The following DISC1 variants were observed in gnomAD, a reference collection of about 807,000 sequenced individuals.
DISC1 encodes DISC1 scaffold protein, also known as disrupted in schizophrenia 1 protein.
Under a neutral mutation model 84.5 loss-of-function variants are expected in DISC1, and 57 were observed. That is an observed-to-expected ratio of 0.67 (90% CI 0.55 to 0.84). The LOEUF is 0.84. DISC1 is among the 40% of genes least tolerant of loss of function. The pLI, the probability that DISC1 is intolerant of heterozygous loss-of-function variation, is 0.00. For missense variants in DISC1, 1,000 were observed against 1,057.8 expected, an observed-to-expected ratio of 0.95 and a Z score of 0.76; for synonymous variants, 411 against 415.2, an observed-to-expected ratio of 0.99 and a Z score of 0.12.
chr1:231,749,613 CATT>C (rs1173057417), intron 3 of DISC1, among the ~76,000 whole-genome samples: 1 of 152,126 alleles, frequency 6.6e-6, no homozygotes, highest in Admixed American at 6.5e-5. Context: ...CCAAAATGCT[CATT>C]GTGCTTTTAA....
At chr1:231,902,261 C>G (rs1315187463) in intron 9 of DISC1, among the ~76,000 whole-genome samples, 1 of 151,994 alleles carries the variant, frequency 6.6e-6, no homozygotes, top group Non-Finnish European at 1.5e-5. Context: ...TTCACTTATT[C>G]ATATGACAAT....
intron 9 of DISC1, among the ~76,000 whole-genome samples, chr1:231,870,733 A>G (rs1379718765): frequency 6.6e-6 from 1 of 152,228 alleles, no homozygotes; most frequent in African/African-American, 2.4e-5. Flanking sequence ...CCAGCCTATT[A>G]ACCTATTACA....
chr1:231,637,643 G>A, intron 1 of DISC1, among the ~76,000 whole-genome samples: 1 of 151,546 alleles, frequency 6.6e-6, no homozygotes, highest in Non-Finnish European at 1.5e-5. Flanking sequence ...ACGGTTTCCA[G>A]TTCCATCGAT....
chr1:231,638,109 A>C (rs918045469), intron 1 of DISC1, among the ~76,000 whole-genome samples: 4 of 152,144 alleles, frequency 2.6e-5, no homozygotes. Context: ...AGTAATGTTG[A>C]ACATGTTTTC....
At chr1:231,734,738 G>T (rs908056928) in intron 3 of DISC1, among the ~76,000 whole-genome samples, 13 of 152,224 alleles carry the variant, frequency 8.5e-5, no homozygotes, top group African/African-American at 3.1e-4. Context: ...GCTAAGTGCT[G>T]AGTGGGCAGA....
At chr1:231,796,492 G>A (rs1426419534) in intron 7 of DISC1, among the ~76,000 whole-genome samples, 2 of 152,074 alleles carry the variant, frequency 1.3e-5, no homozygotes, top group Admixed American at 1.3e-4. Flanking sequence ...GATCACCGCA[G>A]CTAAGCCAGA....
chr1:231,927,720 C>T (rs1048781696), intron 9 of DISC1, among the ~76,000 whole-genome samples: 9 of 152,128 alleles, frequency 5.9e-5, no homozygotes, highest in Non-Finnish European at 8.8e-5. Context: ...TGATAAAATG[C>T]GACGAGAGCT....
At chr1:231,835,308 G>A (rs2082548423) in intron 9 of DISC1, among the ~76,000 whole-genome samples, 1 of 152,172 alleles carries the variant, frequency 6.6e-6, no homozygotes, top group African/African-American at 2.4e-5. Context: ...TTTCACCTGG[G>A]TGCAAGCGGG....
chr1:231,941,657 G>C (rs987255250), intron 9 of DISC1, among the ~76,000 whole-genome samples: 3 of 152,102 alleles, frequency 2.0e-5, no homozygotes, highest in Non-Finnish European at 2.9e-5. Context: ...ATTTTTAGTA[G>C]AGATGGGGTT....
At chr1:231,697,229 G>T (rs2065826758) in intron 2 of DISC1, among the ~76,000 whole-genome samples, 1 of 152,132 alleles carries the variant, frequency 6.6e-6, no homozygotes, top group Non-Finnish European at 1.5e-5. Flanking sequence ...TCTAGTGTTT[G>T]GGGGCCTTAT....
chr1:231,806,662 C>CTCT (rs2079741873), intron 8 of DISC1, among the ~76,000 whole-genome samples: 1 of 152,158 alleles, frequency 6.6e-6, no homozygotes. Flanking sequence ...GGGTGAAAGG[C>CTCT]CTCTTCTCCC....
chr1:231,776,017 A>T (rs569285984), intron 6 of DISC1, among the ~76,000 whole-genome samples: 1 of 152,274 alleles, frequency 6.6e-6, no homozygotes, highest in East Asian at 1.9e-4. Flanking sequence ...CCATGTGGGC[A>T]TGAGGTTCCA....
intron 7 of DISC1, among the ~76,000 whole-genome samples, chr1:231,798,577 A>G (rs2078951999): frequency 6.6e-6 from 1 of 152,202 alleles, no homozygotes; most frequent in African/African-American, 2.4e-5. Context: ...TTAAATAGAT[A>G]GGATGGGATG....
intron 9 of DISC1, chr1:231,866,381 A>C (rs1304578228): frequency 6.5e-6 from 4 of 620,132 alleles, no homozygotes; most frequent in Non-Finnish European, 1.2e-5. Context: ...ATTATCTCTG[A>C]AGTCACTTCA....
intron 9 of DISC1, among the ~76,000 whole-genome samples, chr1:231,892,380 G>A (rs768317162): frequency 1.3e-5 from 2 of 152,146 alleles, no homozygotes; most frequent in Non-Finnish European, 2.9e-5. Context: ...AGGGTGTGGG[G>A]TGTGGTGTCC....
chr1:231,891,294 C>A (rs1309848672), intron 9 of DISC1, among the ~76,000 whole-genome samples: 1 of 152,126 alleles, frequency 6.6e-6, no homozygotes, highest in Non-Finnish European at 1.5e-5. Flanking sequence ...TCAAAGCCAT[C>A]CTGGGCTGCA....
intron 3 of DISC1, among the ~76,000 whole-genome samples, chr1:231,746,462 G>A (rs947537319): frequency 6.6e-6 from 1 of 152,170 alleles, no homozygotes; most frequent in Non-Finnish European, 1.5e-5. Flanking sequence ...TTGGATAAAT[G>A]TGCAGTAGTG....
intron 9 of DISC1, among the ~76,000 whole-genome samples, chr1:231,849,845 T>C (rs1030928647): frequency 1.3e-5 from 2 of 152,228 alleles, no homozygotes; most frequent in African/African-American, 4.8e-5. Flanking sequence ...GTTTCTCCTA[T>C]AGACTGTAAG....
chr1:231,953,937 C>T (rs1421420696), intron 9 of DISC1, among the ~76,000 whole-genome samples: 1 of 152,174 alleles, frequency 6.6e-6, no homozygotes, highest in Non-Finnish European at 1.5e-5. Context: ...CTGGGTGTTA[C>T]TCATTTCCCA....
Sources: gnomAD v4.1 joint callset for allele counts (sites outside exome capture counted in the v4.1 genomes callset) on GRCh38, gnomAD v4.1.1 for gene constraint, MANE v1.5 for transcripts, NCBI Gene and HGNC (gene_info 2026-07-23, HGNC 2026-07-21) for gene names.